Variants in AP4B1 observed in about 807,000 individuals in gnomAD.
The protein encoded by AP4B1 is AP-4 complex subunit beta-1.
Under a neutral mutation model 76.5 loss-of-function variants are expected in AP4B1, and 49 were observed. The observed-to-expected ratio is 0.64, with a 90% CI of 0.51 to 0.81. AP4B1 has a LOEUF of 0.81. Ranked by LOEUF, AP4B1 falls within the 40% of genes least tolerant of loss-of-function variation. The pLI, the probability that AP4B1 is intolerant of heterozygous loss-of-function variation, is 0.00. For synonymous variants in AP4B1, 330 were observed against 333.3 expected, an observed-to-expected ratio of 0.99 and a Z score of 0.11; for missense variants, 911 against 904.9, an observed-to-expected ratio of 1.01 and a Z score of -0.09.
At chr1:113,904,962 GC>G (rs1668801221), upstream of AP4B1, 3 of 494,662 alleles carry the variant, frequency 6.1e-6, no homozygotes, top group Non-Finnish European at 1.1e-5. Context: ...CAGGCCGTTC[GC>G]CCCGCCCACA....
chr1:113,897,507 T>C (rs909202065), intron 7 of AP4B1: 3 of 366,738 alleles, frequency 8.2e-6, no homozygotes, highest in African/African-American at 6.3e-5. Flanking sequence ...GGCAAGAGAA[T>C]CACTTGAGTT....
intron 2 of AP4B1, 76 bp downstream of exon 2, chr1:113,902,562 T>C: frequency 7.0e-7 from 1 of 1,424,756 alleles, no homozygotes; most frequent in Non-Finnish European, 9.9e-7. Context: ...AAATAAATTA[T>C]CCTCTTTAAA....
chr1:113,895,121 T>C lies in AP4B1; in HGVS notation c.2164A>G (p.Ser722Gly), dbSNP rs148223090. The change falls in exon 10 of 10, where the codon AGT becomes GGT. Residue 722 changes from serine (S) to glycine (G), a missense_variant. Transcript: ENST00000369569. Reference sequence around the variant, plus strand: ...ACAGTTTCTAATACAGAAATAAAACTATTCAGCGTCTCCGTTCTTGCTTCA... The same window carrying C: ...ACAGTTTCTAATACAGAAATAAAACCATTCAGCGTCTCCGTTCTTGCTTCA... Reference protein sequence around the residue: ...QNEARTETLNSFISVLETVIG... With the variant: ...QNEARTETLNGFISVLETVIG... 6.2e-7 allele frequency: 1 copy of C among 1,614,210 alleles called. No individual in the cohort carries two copies. Among genetic ancestry groups the C allele is most frequent in the East Asian group, 2.2e-5 (1 of 44,888 alleles).
intron 5 of AP4B1, 69 bp downstream of exon 5, chr1:113,899,835 G>A: frequency 6.2e-7 from 1 of 1,612,576 alleles, no homozygotes; most frequent in Non-Finnish European, 8.5e-7. Context: ...GCTCTCTATG[G>A]TTCCTCTAAC....
In AP4B1 at chr1:113,896,422, C is replaced by A. The variant is rs1385361576; in HGVS notation, c.1346G>T (p.Arg449Ile). ...LIWLLGVHGERIPNAPYVLED... is the reference protein window; with the variant it reads ...LIWLLGVHGEIIPNAPYVLED... ...TAACACATAAGGAGCATTAGGAATT[C>A]TTTCCCCATGGACACCAAGTAGCCA... The change falls in exon 8 of 10, where the codon AGA becomes ATA. Residue 449 changes from arginine (R) to isoleucine (I), a missense_variant. Arg to Ile is a moderately conservative substitution (Grantham distance 97, BLOSUM62 -3). Coordinates refer to ENST00000369569, the MANE Select transcript of AP4B1 (RefSeq NM_001253852.3). 6.2e-7 allele frequency: 1 copy of A among 1,614,216 alleles called. No individual in the cohort carries two copies. Among genetic ancestry groups the A allele is most frequent in the Non-Finnish European group, 8.5e-7 (1 of 1,180,044 alleles).
intron 5 of AP4B1, chr1:113,899,349 A>C: frequency 9.9e-7 from 1 of 1,011,012 alleles, no homozygotes; most frequent in African/African-American, 1.7e-5. Context: ...TACTATGAAA[A>C]AGTCTGTAAG....
intron 5 of AP4B1, chr1:113,899,067 G>A: frequency 4.0e-6 from 5 of 1,261,590 alleles, no homozygotes; most frequent in Non-Finnish European, 5.1e-6. Context: ...AAAACTTATA[G>A]TAACAAAGGT....
At position 113,900,004 on chromosome 1, in the gene AP4B1, T is replaced by A; in HGVS notation, c.1014A>T (p.Glu338Asp). The A allele has an allele frequency of 6.2e-7, 1 of 1,614,226 alleles. No individual in the cohort carries two copies. Among genetic ancestry groups the A allele is most frequent in the Non-Finnish European group, 8.5e-7 (1 of 1,180,042 alleles). The change falls in exon 5 of 10, where the codon GAA becomes GAT. Residue 338 changes from glutamate (E) to aspartate (D), a missense_variant. By Grantham distance (45) the Glu-to-Asp change is conservative. Transcript: ENST00000369569. The part of the protein sequence containing the change: ...IKLQKVEVLC[E>D]LVNDENVQQV... ...GCTGCACATTCTCATCGTTCACCAG[T>A]TCACACAGCACCTCCACTTTCTGTA...
intron 5 of AP4B1, chr1:113,899,043 A>G (rs1667876178): frequency 8.0e-7 from 1 of 1,247,782 alleles, no homozygotes; most frequent in Admixed American, 3.6e-5. Flanking sequence ...ACAATTCCCC[A>G]TTAAACAAGG....
chr1:113,897,796 AG>A (rs1558083488), intron 7 of AP4B1, 43 bp downstream of exon 7: 1 of 1,597,336 alleles, frequency 6.3e-7, no homozygotes, highest in East Asian at 2.2e-5. Flanking sequence ...CAGGGTTTCA[AG>A]CATTCTCCCC....
At chr1:113,902,916 T>C in intron 1 of AP4B1, 54 bp from the exon 2 acceptor site, 2 of 1,532,768 alleles carry the variant, frequency 1.3e-6, no homozygotes, top group Non-Finnish European at 1.8e-6. Context: ...CAACTTACAA[T>C]GGAGGGAGTT....
At chr1:113,898,015 A>G in intron 6 of AP4B1, 72 bp from the exon 7 acceptor site, 2 of 1,607,778 alleles carry the variant, frequency 1.2e-6, no homozygotes, top group Non-Finnish European at 1.7e-6. Context: ...AAGAACAGTC[A>G]TGTATTCAGA....
chr1:113,895,719 T>C (rs1667382542), intron 9 of AP4B1, 38 bp downstream of exon 9: 3 of 1,613,006 alleles, frequency 1.9e-6, no homozygotes, highest in Non-Finnish European at 2.5e-6. Context: ...AAGGTAAAGA[T>C]TTATCATGAC....
chr1:113,896,540 G>T, intron 7 of AP4B1, 75 bp from the exon 8 acceptor site: 1 of 1,479,730 alleles, frequency 6.8e-7, no homozygotes, highest in Admixed American at 1.7e-5. Context: ...GACAGCCACT[G>T]GTTTTGCTTT....
Position 113,900,402 on chromosome 1 carries a change from T to G in AP4B1, c.618-2A>C. The G allele has an allele frequency of 6.2e-7, 1 of 1,613,546 alleles. No homozygotes were observed. Among genetic ancestry groups the G allele is most frequent in the Non-Finnish European group, 8.5e-7 (1 of 1,179,914 alleles). ...CCCCATTGGTCCAGTTTTGACATTCTATCCAAAAAACAAAACAAAAGAGCT... is the reference window on the plus strand; with the variant it reads ...CCCCATTGGTCCAGTTTTGACATTCGATCCAAAAAACAAAACAAAAGAGCT... On this transcript the variant is annotated splice_acceptor_variant, in intron 4 of 9. Transcript: ENST00000369569. LOFTEE classifies it high-confidence loss of function.
In AP4B1 at chr1:113,901,237, G is replaced by A. The variant is rs762612591; in HGVS notation, c.616C>T (p.Arg206Ter). Reference protein sequence around the residue: ...NKPIAHHLLNRMSKLDQWGQA... With the variant: ...NKPIAHHLLN ...AAAAGAGTGCTGAGGCATCCAAACC[G>A]ATTTAAGAGATGGTGAGCAATGGGC... The change falls in exon 4 of 10, where the codon CGA (arginine) becomes TGA (stop). Residue 206 changes from arginine (R) to a stop codon, truncating the protein, a stop_gained and splice_region_variant. Transcript: ENST00000369569. LOFTEE classifies it high-confidence loss of function. The A allele has an allele frequency of 9.3e-6, 15 of 1,614,142 alleles. No individual in the cohort carries two copies. The highest frequency in any genetic ancestry group is 6.7e-5 in the Admixed American group (4 of 60,014).
Position 113,901,393 on chromosome 1 carries a change from A to C in AP4B1, c.470-10T>G, listed in dbSNP as rs1392635520. On this transcript the variant is annotated splice_polypyrimidine_tract_variant and intron_variant, in intron 3 of 9. Coordinates refer to ENST00000369569, the MANE Select transcript of AP4B1 (RefSeq NM_001253852.3). ...TTTACCAGGGCACCATCTATAAAAAAGAACAAAGTTCTTAGATAAAGAAGG... is the reference window on the plus strand; with the variant it reads ...TTTACCAGGGCACCATCTATAAAAACGAACAAAGTTCTTAGATAAAGAAGG... The C allele has an allele frequency of 6.2e-7, 1 of 1,613,670 alleles. No individual in the cohort carries two copies. The highest frequency in any genetic ancestry group is 1.7e-5 in the Admixed American group (1 of 60,028).
Position 113,894,687 on chromosome 1 carries a change from G to C in AP4B1, c.*378C>G. The C allele has an allele frequency of 4.2e-6, 1 of 240,024 alleles. No homozygotes were observed. Among genetic ancestry groups the C allele is most frequent in the South Asian group, 5.3e-5 (1 of 18,744 alleles). 14.9% of individuals were successfully genotyped at this position (240,024 alleles called of 1,614,324 possible). A position where few individuals can be genotyped will look rare whatever the true frequency, so the allele number is the denominator to read the frequency against. ...TGATTGGAAATATGAGAACAGTTAGGAATTTACTATAATAATCCAGGGAAG... is the reference window on the plus strand; with the variant it reads ...TGATTGGAAATATGAGAACAGTTAGCAATTTACTATAATAATCCAGGGAAG... On this transcript the variant is annotated 3_prime_UTR_variant, in exon 10 of 10. Coordinates refer to ENST00000369569, the MANE Select transcript of AP4B1 (RefSeq NM_001253852.3).
upstream of AP4B1, chr1:113,904,870 C>A: frequency 1.4e-6 from 1 of 708,632 alleles, no homozygotes; most frequent in East Asian, 2.8e-5. Context: ...GTAGGGCCGG[C>A]ACGCTGGCCC....
Sources: allele counts gnomAD v4.1 joint callset, GRCh38; gene constraint gnomAD v4.1.1; transcripts MANE v1.5; gene names NCBI Gene and HGNC (gene_info 2026-07-23, HGNC 2026-07-21).